HDAC6: variants seen among roughly 807,000 people sequenced by gnomAD.
HDAC6 encodes the protein protein deacetylase HDAC6.
In HDAC6, 5 loss-of-function variants were observed where a neutral mutation model predicts 88.9. The observed-to-expected ratio is 0.06, with a 90% CI of 0.03 to 0.12. The LOEUF is 0.12. Among genes scored for constraint, HDAC6 ranks in the 10% least tolerant of loss-of-function variants. The pLI, the probability that HDAC6 is intolerant of heterozygous loss-of-function variation, is 1.00. For missense variants in HDAC6, 706 were observed against 1,014.4 expected, an observed-to-expected ratio of 0.70 and a Z score of 4.13; for synonymous variants, 378 against 398.0, an observed-to-expected ratio of 0.95 and a Z score of 0.60.
At chrX:48,824,470 TG>T in intron 28 of HDAC6, 73 bp from the exon 29 acceptor site, 1 of 1,071,570 alleles carries the variant, frequency 9.3e-7, no homozygotes, top group Non-Finnish European at 1.3e-6. Flanking sequence ...AGGGCTGGAG[TG>T]GGGGCAGCCC....
intron 6 of HDAC6, chrX:48,806,072 G>C (rs1281957186): frequency 1.7e-5 from 6 of 353,209 alleles, no homozygotes; most frequent in Non-Finnish European, 3.0e-5. Flanking sequence ...ACTTTAAGAG[G>C]AGAAAAAGAG....
At position 48,806,371 on chromosome X, in the gene HDAC6, A is replaced by G. The variant is rs1557024282; in HGVS notation, c.441A>G (p.Leu147=). Residue 147 remains leucine (L), a synonymous_variant, in exon 7 of 29, where the codon CTA becomes CTG. Transcript: ENST00000334136. ...EKEELMLVHS[L]EYIDLMETTQ... ...CTCATCTCCCATCTGTGTCTAGCCT[A>G]GAATATATTGATCTGATGGAAACAA... 8.6e-7 allele frequency: 1 copy of G among 1,165,322 alleles called. No homozygotes were observed. Among genetic ancestry groups the G allele is most frequent in the Non-Finnish European group, 1.2e-6 (1 of 853,083 alleles).
Position 48,823,867 on chromosome X carries a change from C to T in HDAC6, c.3304-55C>T, listed in dbSNP as rs889583625. On this transcript the variant is annotated intron_variant, in intron 26 of 28. Transcript: ENST00000334136. ...CAGGTAGGAGCATGTGATGAATAAA[C>T]ATATAATGGGGAGATGGGGTCTTCA... is the stretch of plus-strand genomic sequence containing the variant. 2.8e-5 allele frequency: 33 copies of T among 1,198,434 alleles called. No homozygotes were observed. The Admixed American group carries it at 7.0e-4, about 26-fold the overall frequency.
At chrX:48,816,318 G>A in intron 18 of HDAC6, 49 bp downstream of exon 18, 1 of 1,172,366 alleles carries the variant, frequency 8.5e-7, no homozygotes. Flanking sequence ...CTGTGGATGA[G>A]GTCTCAGGGG....
chrX:48,823,080 G>T lies in HDAC6; in HGVS notation c.2681G>T (p.Gly894Val), dbSNP rs1557030643. The T allele has an allele frequency of 8.3e-7, 1 of 1,211,548 alleles. No homozygotes were observed. Among genetic ancestry groups the T allele is most frequent in the Non-Finnish European group, 1.1e-6 (1 of 895,324 alleles). ...TCATTTGGGGAAGAGTCCACTCCAG[G>T]CCAGACTAACTCAGAGACAGCTGTG... ...SASFGEESTP[G>V]QTNSETAVVA... The change falls in exon 25 of 29, where the codon GGC becomes GTC. Residue 894 changes from glycine (G) to valine (V), a missense_variant. Gly to Val is a moderately radical substitution (Grantham distance 109, BLOSUM62 -3). Coordinates refer to ENST00000334136, the MANE Select transcript of HDAC6 (RefSeq NM_006044.4).
chrX:48,816,162 G>T lies in HDAC6; in HGVS notation c.1515G>T (p.Gln505His). The T allele has an allele frequency of 8.3e-7, 1 of 1,211,192 alleles. No individual in the cohort carries two copies. The highest frequency in any genetic ancestry group is 1.1e-6 in the Non-Finnish European group (1 of 895,524). Reference sequence around the variant, plus strand: ...CTAGCCACCACCCTGAGGTACCCCAGCGCATCTTGCGGATCATGTGCCGTC... The same window carrying T: ...CTAGCCACCACCCTGAGGTACCCCATCGCATCTTGCGGATCATGTGCCGTC... ...LWDSHHPEVP[Q>H]RILRIMCRLE... The change falls in exon 18 of 29, where the codon CAG becomes CAT. Residue 505 changes from glutamine to histidine, a missense_variant. Physicochemically the swap from Gln to His is conservative, Grantham distance 24. Coordinates refer to ENST00000334136, the MANE Select transcript of HDAC6 (RefSeq NM_006044.4).
In HDAC6 at chrX:48,815,190, T is replaced by G. The variant is rs2062963294; in HGVS notation, c.1149+139T>G. ...TTGCATAAGTCACTTCACTTCTTTG[T>G]GCCTCCGCTTTCCTTCTATAAAACG... On this transcript the variant is annotated intron_variant, in intron 14 of 28. Coordinates refer to ENST00000334136, the MANE Select transcript of HDAC6 (RefSeq NM_006044.4). The G allele has an allele frequency of 3.4e-6, 2 of 584,469 alleles. 1 individual carries two copies. The highest frequency in any genetic ancestry group is 5.5e-5 in the South Asian group (2 of 36,207). 48.2% of individuals were successfully genotyped at this position (584,469 alleles called of 1,213,427 possible). A position where few individuals can be genotyped will look rare whatever the true frequency, so the allele number is the denominator to read the frequency against.
At position 48,815,081 on chromosome X, in the gene HDAC6, G is replaced by A. The variant is rs782720394; in HGVS notation, c.1149+30G>A. Reference sequence around the variant, plus strand: ...GTGACTCACCTTCGTCCCTCAGCCTGTGGATCCTGGAGGGCTTAAGAACGA... The same window carrying A: ...GTGACTCACCTTCGTCCCTCAGCCTATGGATCCTGGAGGGCTTAAGAACGA... On this transcript the variant is annotated intron_variant, in intron 14 of 28. Transcript: ENST00000334136. 2.2e-5 allele frequency: 24 copies of A among 1,103,353 alleles called. No homozygotes were observed. The South Asian group carries it at 2.5e-4, about 12-fold the overall frequency. The allele number at this position is 1,103,353 out of a possible 1,213,427, so 90.9% of individuals were successfully genotyped here. A position where few individuals can be genotyped will look rare whatever the true frequency, so the allele number is the denominator to read the frequency against.
intron 4 of HDAC6, among the ~76,000 whole-genome samples, chrX:48,805,139 A>G (rs925545550): frequency 1.9e-4 from 21 of 111,775 alleles, no homozygotes; most frequent in African/African-American, 6.5e-4. Flanking sequence ...TCGAAGGGAC[A>G]TGAACTGATT....
chrX:48,815,812 G>A, intron 16 of HDAC6, 72 bp from the exon 17 acceptor site: 1 of 1,127,644 alleles, frequency 8.9e-7, no homozygotes, highest in African/African-American at 1.8e-5. Context: ...TTCTGTTTGG[G>A]TCACCTGAGT....
chrX:48,801,651 C>T (rs2062728383), upstream of HDAC6: 1 of 255,812 alleles, frequency 3.9e-6, no homozygotes. Flanking sequence ...TGGCGTAGCA[C>T]GCCGACGCAC....
In HDAC6 at chrX:48,824,753, A is replaced by T. The variant is rs2063140057; in HGVS notation, c.*141A>T. The stretch of plus-strand genomic sequence containing the variant: ...CCTTTGCAACTCCCCAAGAGTGCTT[A>T]TTTAAGTGTTAATACTTTTAAGAGA... On this transcript the variant is annotated 3_prime_UTR_variant, in exon 29 of 29. Coordinates refer to ENST00000334136, the MANE Select transcript of HDAC6 (RefSeq NM_006044.4). 9.0e-7 allele frequency: 1 copy of T among 1,112,110 alleles called. No individual in the cohort carries two copies. The highest frequency in any genetic ancestry group is 1.2e-6 in the Non-Finnish European group (1 of 848,258). The allele number at this position is 1,112,110 out of a possible 1,213,427, so 91.7% of individuals were successfully genotyped here.
intron 19 of HDAC6, 62 bp from the exon 20 acceptor site, chrX:48,817,264 A>C: frequency 1.8e-6 from 2 of 1,086,010 alleles, no homozygotes; most frequent in Non-Finnish European, 2.4e-6. Context: ...AAAAAAAAAA[A>C]AAAAAGGAAG....
At chrX:48,806,209 GCGGGCTAGGGAAGAAACAGA>G in intron 6 of HDAC6, 139 bp from the exon 7 acceptor site, 2 of 441,176 alleles carry the variant, frequency 4.5e-6, no homozygotes, top group Non-Finnish European at 8.1e-6. Flanking sequence ...CTGAACTGAG[GCGGGCTAGGGAAGAAACAGA>G]ATGTGTCTTA....
At position 48,823,219 on chromosome X, in the gene HDAC6, G is replaced by T. The variant is rs2147391700; in HGVS notation, c.2820G>T (p.Glu940Asp). Residue 940 changes from glutamate to aspartate, a missense_variant, in exon 25 of 29, where the codon GAG becomes GAT. By Grantham distance (45) the Glu-to-Asp change is conservative (BLOSUM62 2). This residue lies in a region of HDAC6 where 89 missense variants were observed against 90.9 expected (regional missense o/e 0.98). Transcript: ENST00000334136. ...GGAMLGQTTS[E>D]EAVGGATPDQ... is the part of the protein sequence containing the mutation. The stretch of plus-strand genomic sequence containing the variant: ...CCATGCTGGGCCAGACCACCTCAGA[G>T]GAGGCTGTCGGGGGAGCCACTCCGG... The T allele has an allele frequency of 8.3e-7, 1 of 1,203,286 alleles. No individual in the cohort carries two copies. Among genetic ancestry groups the T allele is most frequent in the East Asian group, 3.0e-5 (1 of 33,537 alleles).
In HDAC6 at chrX:48,808,241, C is replaced by T. The variant is rs2062848781; in HGVS notation, c.738-17C>T. On this transcript the variant is annotated splice_polypyrimidine_tract_variant and intron_variant, in intron 9 of 28. Transcript: ENST00000334136. ...TTGATCTCCTTGCACAGAGTCCCCT[C>T]TCTCTGCTGCTCCTAGGGTCCTTAT... The T allele has an allele frequency of 8.3e-7, 1 of 1,198,839 alleles. No homozygotes were observed. The highest frequency in any genetic ancestry group is 3.0e-5 in the East Asian group (1 of 33,743).
rs782283225 is a variant in HDAC6, at chrX:48,802,804, C to T, written c.93+19C>T. Reference sequence around the variant, plus strand: ...CACTTCGGTGAGGCCCTAGACCCGCCCTGATGAGGGGGAGAGGGAGCAAGT... The same window carrying T: ...CACTTCGGTGAGGCCCTAGACCCGCTCTGATGAGGGGGAGAGGGAGCAAGT... On this transcript the variant is annotated intron_variant, in intron 2 of 28. Coordinates refer to ENST00000334136, the MANE Select transcript of HDAC6 (RefSeq NM_006044.4). 1 of 1,207,098 alleles carries T rather than the reference C, an allele frequency of 8.3e-7. No individual in the cohort carries two copies. The highest frequency in any genetic ancestry group is 1.1e-6 in the Non-Finnish European group (1 of 892,992).
intron 22 of HDAC6, among the ~76,000 whole-genome samples, chrX:48,819,112 G>A (rs1258051717): frequency 1.8e-5 from 2 of 112,490 alleles, no homozygotes; most frequent in Admixed American, 9.4e-5. Flanking sequence ...CCTTCTGTGT[G>A]TGTACAACTG....
intron 28 of HDAC6, 122 bp from the exon 29 acceptor site, chrX:48,824,422 G>A: frequency 2.8e-6 from 3 of 1,083,164 alleles, no homozygotes; most frequent in East Asian, 3.0e-5. Context: ...TTTGCATGGG[G>A]CGGGGGCTGT....
Sources: gnomAD v4.1 joint callset for allele counts (sites outside exome capture counted in the v4.1 genomes callset) on GRCh38, gnomAD v4.1.1 for gene constraint, gnomAD v4.1.1 regional missense constraint, MANE v1.5 for transcripts, NCBI Gene and HGNC (gene_info 2026-07-23, HGNC 2026-07-21) for gene names.